The following RPTOR variants were observed in gnomAD, a reference collection of about 807,000 sequenced individuals.
RPTOR encodes regulatory-associated protein of mTOR.
In RPTOR, 21 loss-of-function variants were observed where a neutral mutation model predicts 169.9. The observed-to-expected ratio is 0.12, with a 90% CI of 0.09 to 0.18. The LOEUF is 0.18. Among genes scored for constraint, RPTOR ranks in the 10% least tolerant of loss-of-function variants. The probability of loss-of-function intolerance (pLI) is 1.00; values close to 1 mark genes in which losing one functional copy is unlikely to be tolerated. For synonymous variants in RPTOR, 732 were observed against 753.2 expected (o/e 0.97, Z 0.46); for missense variants, 1,133 against 1,855.9 (o/e 0.61, Z 7.16).
intron 9 of RPTOR, among the ~76,000 whole-genome samples, chr17:80,836,460 G>A (rs897629070): frequency 1.1e-4 from 17 of 152,200 alleles, no homozygotes; most frequent in African/African-American, 1.9e-4. Flanking sequence ...GGCCTTGGGC[G>A]CGTGGCTGTC....
intron 5 of RPTOR, among the ~76,000 whole-genome samples, chr17:80,749,636 T>C (rs1394971426): frequency 6.6e-6 from 1 of 152,136 alleles, no homozygotes; most frequent in Admixed American, 6.5e-5. Context: ...AGCCTGCTGC[T>C]CAGTTCTCAG....
At chr17:80,552,828 A>T (rs1051878436) in intron 1 of RPTOR, among the ~76,000 whole-genome samples, 7 of 152,254 alleles carry the variant, frequency 4.6e-5, no homozygotes, top group Admixed American at 1.3e-4. Flanking sequence ...AAACAAAACA[A>T]AACAAAACTG....
At chr17:80,770,045 G>C (rs1013146211) in intron 6 of RPTOR, among the ~76,000 whole-genome samples, 1 of 152,186 alleles carries the variant, frequency 6.6e-6, no homozygotes, top group Non-Finnish European at 1.5e-5. Flanking sequence ...TATTTCTCCC[G>C]GTTCTGGAGG....
Position 80,721,529 on chromosome 17 carries a change from C to T in RPTOR, c.508-9031C>T, listed in dbSNP as rs949465618. On this transcript the variant is annotated intron_variant, in intron 4 of 33. Transcript: ENST00000306801. This position sits in a 1 kb window ranked among gnomAD's most constrained non-coding sequence, Gnocchi z 4.7. ...CAGCAGCGGGCTCTCCTGGCTCACC[C>T]GGGGCCGTCAGGGCGCTGCAGTTTG... Among the ~76,000 whole-genome samples the T allele has an allele frequency of 6.6e-6, 1 of 151,350 alleles. No individual in the cohort carries two copies. The highest frequency in any genetic ancestry group is 2.1e-4 in the South Asian group (1 of 4,838).
chr17:80,841,398 C>T (rs1333240671), intron 10 of RPTOR, among the ~76,000 whole-genome samples: 2 of 120,728 alleles, frequency 1.7e-5, no homozygotes, highest in Admixed American at 8.6e-5. Context: ...CAGCTCACAC[C>T]GCACGGCAGC....
rs551534295 is a variant in RPTOR at position 80,752,632 on chromosome 17, G to A, written c.655-1378G>A. Among the ~76,000 whole-genome samples the A allele has an allele frequency of 6.9e-4, 105 of 152,338 alleles. 1 individual carries two copies. The highest frequency in any genetic ancestry group is 8.3e-4 in the South Asian group (4 of 4,832). On this transcript the variant is annotated intron_variant, in intron 5 of 33. Transcript: ENST00000306801. ...ACCGAAATGGCCACATGCAGGCAAC[G>A]TAGGTAGCCAGGGAAAGGAATCACA... is the stretch of plus-strand genomic sequence containing the variant.
At chr17:80,623,173 G>T (rs980660115) in intron 1 of RPTOR, among the ~76,000 whole-genome samples, 1 of 151,916 alleles carries the variant, frequency 6.6e-6, no homozygotes, top group Non-Finnish European at 1.5e-5. Flanking sequence ...AGAAGTTCTG[G>T]TCAATACGCT....
intron 1 of RPTOR, among the ~76,000 whole-genome samples, chr17:80,614,738 T>C (rs897233429): frequency 2.6e-5 from 4 of 152,234 alleles, no homozygotes; most frequent in African/African-American, 9.6e-5. Context: ...AGAGAGGCTT[T>C]GAAGCACCCA....
chr17:80,694,880 A>G (rs1285924893), intron 3 of RPTOR, among the ~76,000 whole-genome samples: 1 of 152,130 alleles, frequency 6.6e-6, no homozygotes, highest in Admixed American at 6.5e-5. Context: ...TGAGTAACTC[A>G]TGGCCTGTTA....
At position 80,562,004 on chromosome 17, in the gene RPTOR, G is replaced by A. The variant is rs2084504727; in HGVS notation, c.162+16213G>A. 1.3e-5 allele frequency among the ~76,000 whole-genome samples: 2 copies of A among 152,174 alleles called. No homozygotes were observed. Among genetic ancestry groups the A allele is most frequent in the African/African-American group, 4.8e-5 (2 of 41,448 alleles). ...CGTATGTATTTATGTGTCAGTGCAT[G>A]TGTATTTGTGAGTATATGTGTGTGT... On this transcript the variant is annotated intron_variant, in intron 1 of 33. Transcript: ENST00000306801. The surrounding 1 kb of genome is among the most constrained non-coding windows in gnomAD (Gnocchi z 4.4).
chr17:80,792,871 G>A (rs1000268924), intron 7 of RPTOR, among the ~76,000 whole-genome samples: 3 of 151,896 alleles, frequency 2.0e-5, no homozygotes, highest in Admixed American at 6.6e-5. Context: ...TACCTGTAAC[G>A]TATATATTGC....
intron 17 of RPTOR, among the ~76,000 whole-genome samples, chr17:80,889,002 C>A (rs1255211998): frequency 6.6e-6 from 1 of 152,208 alleles, no homozygotes; most frequent in Non-Finnish European, 1.5e-5. Flanking sequence ...GGTGGCCCAG[C>A]CAGGCACAAG....
rs2068146995 is a variant in RPTOR at position 80,878,413 on chromosome 17, C to T, written c.1510-2002C>T. The stretch of plus-strand genomic sequence containing the variant: ...CCAGGCTGGAATGCAGTGGTGCGAT[C>T]TCAGCTCACTACAGCCTCCGCCTCC... On this transcript the variant is annotated intron_variant, in intron 13 of 33. Coordinates refer to ENST00000306801, the MANE Select transcript of RPTOR (RefSeq NM_020761.3). This position sits in a 1 kb window ranked among gnomAD's most constrained non-coding sequence, Gnocchi z 4.1. Among the ~76,000 whole-genome samples the T allele has an allele frequency of 6.6e-6, 1 of 151,964 alleles. No homozygotes were observed. Among genetic ancestry groups the T allele is most frequent in the African/African-American group, 2.4e-5 (1 of 41,358 alleles).
chr17:80,818,721 G>A (rs985358724), intron 7 of RPTOR, among the ~76,000 whole-genome samples: 5 of 152,170 alleles, frequency 3.3e-5, no homozygotes, highest in African/African-American at 7.2e-5. Context: ...CTGGTTTCAC[G>A]ATGAGCTTAG....
intron 4 of RPTOR, among the ~76,000 whole-genome samples, chr17:80,729,510 G>A (rs550127185): frequency 6.6e-6 from 1 of 152,286 alleles, no homozygotes; most frequent in Admixed American, 6.5e-5. Context: ...CTGTTCAGGC[G>A]CTGAACAGTA....
chr17:80,659,889 C>T lies in RPTOR; in HGVS notation c.348+16079C>T, dbSNP rs1455293667. 6.6e-6 allele frequency among the ~76,000 whole-genome samples: 1 copy of T among 152,178 alleles called. No homozygotes were observed. Among genetic ancestry groups the T allele is most frequent in the Non-Finnish European group, 1.5e-5 (1 of 68,022 alleles). Reference sequence around the variant, plus strand: ...TCTCAAACTCCAGGGCTTAAGCAATCCTCCTGCCTTGGCCTCCCAAAGTGC... The same window carrying T: ...TCTCAAACTCCAGGGCTTAAGCAATTCTCCTGCCTTGGCCTCCCAAAGTGC... On this transcript the variant is annotated intron_variant, in intron 3 of 33. Transcript: ENST00000306801. This position sits in a 1 kb window ranked among gnomAD's most constrained non-coding sequence, Gnocchi z 4.3.
chr17:80,855,605 C>T (rs1198984228), intron 12 of RPTOR, 58 bp downstream of exon 12: 16 of 1,282,696 alleles, frequency 1.2e-5, no homozygotes, highest in South Asian at 8.3e-5. Context: ...GATTAGGCTC[C>T]GTGTTTCAGT....
intron 9 of RPTOR, among the ~76,000 whole-genome samples, chr17:80,831,148 G>A (rs1278515592): frequency 6.6e-6 from 1 of 152,180 alleles, no homozygotes; most frequent in Non-Finnish European, 1.5e-5. Flanking sequence ...CACAATTAAG[G>A]TGCTTAGGAG....
At chr17:80,840,815 C>CCG (rs1317344862) in intron 10 of RPTOR, among the ~76,000 whole-genome samples, 12 of 138,910 alleles carry the variant, frequency 8.6e-5, no homozygotes, top group Admixed American at 2.1e-4. Context: ...CTCACTCTCA[C>CCG]CACGCCGCAG....
Sources: allele counts gnomAD v4.1 joint callset (sites outside exome capture counted in the v4.1 genomes callset), GRCh38; gene constraint gnomAD v4.1.1; non-coding constraint Gnocchi (gnomAD v3.1); transcripts MANE v1.5; gene names NCBI Gene and HGNC (gene_info 2026-07-23, HGNC 2026-07-21).